The following THRB variants were observed in gnomAD, a reference collection of about 807,000 sequenced individuals.
THRB encodes the protein nuclear receptor subfamily 1 group A member 2.
In THRB, 12 loss-of-function variants were observed where a neutral mutation model predicts 47.8. That is an observed-to-expected ratio of 0.25 (90% CI 0.16 to 0.41). The LOEUF (loss-of-function observed/expected upper bound fraction) is 0.41, where lower values mean the gene tolerates loss of function less well. Ranked by LOEUF, THRB falls within the 10% of genes least tolerant of loss-of-function variation. THRB has a pLI of 1.00. For synonymous variants in THRB, 218 were observed against 212.2 expected (o/e 1.03, Z -0.24); for missense variants, 348 against 589.2 (o/e 0.59, Z 4.24).
chr3:24,487,729 T>C (rs960904529), intron 1 of THRB, among the ~76,000 whole-genome samples: 3 of 152,260 alleles, frequency 2.0e-5, no homozygotes, highest in African/African-American at 7.2e-5. Context: ...TTCCACTGTA[T>C]GTGAGAACAT....
At chr3:24,254,199 TAAAAAAAAAAAAAAAAAAAAA>T (rs57275069) in intron 3 of THRB, among the ~76,000 whole-genome samples, 23 of 34,616 alleles carry the variant, frequency 6.6e-4, no homozygotes, top group African/African-American at 2.1e-3. Flanking sequence ...CTGTCTCTAC[TAAAAAAAAAAAAAAAAAAAAA>T]AAAAAAAAAA....
intron 1 of THRB, among the ~76,000 whole-genome samples, chr3:24,486,979 C>G (rs1414267809): frequency 3.3e-5 from 5 of 152,212 alleles, no homozygotes; most frequent in African/African-American, 1.2e-4. Flanking sequence ...CAGAAATAAA[C>G]CATTCTCCAG....
chr3:24,212,577 C>CAAAAAAAAAAAA (rs1199010853), intron 4 of THRB, among the ~76,000 whole-genome samples: 8 of 84,062 alleles, frequency 9.5e-5, no homozygotes, highest in East Asian at 3.8e-4. Flanking sequence ...GACTCCGTCT[C>CAAAAAAAAAAAA]AAAAAAAAAA....
At chr3:24,281,890 C>A (rs995909785) in intron 3 of THRB, among the ~76,000 whole-genome samples, 1 of 151,306 alleles carries the variant, frequency 6.6e-6, no homozygotes, top group African/African-American at 2.4e-5. Flanking sequence ...GCTACCTATC[C>A]TAAATATATA....
chr3:24,295,413 T>C (rs965696901), intron 3 of THRB, among the ~76,000 whole-genome samples: 4 of 152,224 alleles, frequency 2.6e-5, no homozygotes, highest in Admixed American at 6.5e-5. Context: ...TCTGAGGTTA[T>C]TGATTAGTAT....
At chr3:24,447,878 T>C (rs1193104475) in intron 1 of THRB, among the ~76,000 whole-genome samples, 1 of 151,928 alleles carries the variant, frequency 6.6e-6, no homozygotes, top group Admixed American at 6.5e-5. Context: ...AAGAGAAAAG[T>C]AGTTGCCTCT....
At chr3:24,162,171 A>ATT (rs113431584) in intron 5 of THRB, among the ~76,000 whole-genome samples, 16 of 143,866 alleles carry the variant, frequency 1.1e-4, no homozygotes, top group African/African-American at 4.1e-4. Flanking sequence ...CCACAAAAGG[A>ATT]TTTTTTTTTT....
chr3:24,279,817 CCTTA>C (rs1411549697), intron 3 of THRB, among the ~76,000 whole-genome samples: 5 of 152,090 alleles, frequency 3.3e-5, no homozygotes, highest in Non-Finnish European at 7.4e-5. Flanking sequence ...TATTACTCTC[CCTTA>C]CTTATCTCCT....
intron 8 of THRB, among the ~76,000 whole-genome samples, chr3:24,141,499 C>G (rs1481577146): frequency 3.3e-5 from 5 of 152,224 alleles, no homozygotes; most frequent in South Asian, 2.1e-4. Context: ...CTTCATTGCA[C>G]TTACCACTAC....
chr3:24,154,875 A>G (rs2037572804), intron 5 of THRB, among the ~76,000 whole-genome samples: 1 of 152,200 alleles, frequency 6.6e-6, no homozygotes, highest in Non-Finnish European at 1.5e-5. Flanking sequence ...ATAAGGGAAA[A>G]AGAGGTACAA....
chr3:24,413,992 G>A (rs192213710), intron 1 of THRB, among the ~76,000 whole-genome samples: 12 of 151,852 alleles, frequency 7.9e-5, no homozygotes, highest in Admixed American at 3.9e-4. Context: ...TTAATTGAGC[G>A]TGACTCCATA....
At chr3:24,143,047 T>A (rs1223675850) in intron 8 of THRB, among the ~76,000 whole-genome samples, 1 of 152,174 alleles carries the variant, frequency 6.6e-6, no homozygotes, top group Non-Finnish European at 1.5e-5. Context: ...AGCTAAAAAA[T>A]TTTGACTTCT....
chr3:24,424,236 GGGCGGACATCA>G (rs1284566665), intron 1 of THRB, among the ~76,000 whole-genome samples: 7 of 151,730 alleles, frequency 4.6e-5, no homozygotes, highest in African/African-American at 1.7e-4. Flanking sequence ...AATTGTTCTG[GGGCGGACATCA>G]GGCAACAGGA....
chr3:24,323,630 C>T (rs188906020), intron 2 of THRB, among the ~76,000 whole-genome samples: 1 of 152,294 alleles, frequency 6.6e-6, no homozygotes, highest in East Asian at 1.9e-4. Context: ...TTTCCATGTT[C>T]ATTGTTCTAT....
chr3:24,212,227 T>A (rs1462206688), intron 4 of THRB, among the ~76,000 whole-genome samples: 5 of 151,922 alleles, frequency 3.3e-5, no homozygotes, highest in African/African-American at 1.2e-4. Context: ...TGAAACCCCA[T>A]CTCTACTAAA....
chr3:24,259,619 C>CTTTT (rs1559757815), intron 3 of THRB, among the ~76,000 whole-genome samples: 6 of 52,484 alleles, frequency 1.1e-4, no homozygotes, highest in African/African-American at 3.4e-4. Flanking sequence ...GCTCTGCTTA[C>CTTTT]CTTTTTTTTT....
intron 4 of THRB, among the ~76,000 whole-genome samples, chr3:24,227,283 G>A (rs1033389195): frequency 2.2e-4 from 33 of 152,294 alleles, no homozygotes; most frequent in Middle Eastern, 3.4e-3. Context: ...TCACACCTGC[G>A]TGTGCCTGCA....
At chr3:24,448,855 C>G (rs1286813605) in intron 1 of THRB, among the ~76,000 whole-genome samples, 1 of 152,162 alleles carries the variant, frequency 6.6e-6, no homozygotes, top group African/African-American at 2.4e-5. Context: ...CACAAGCCAG[C>G]AGATGACAGG....
At chr3:24,222,802 G>A (rs1251921953) in intron 4 of THRB, among the ~76,000 whole-genome samples, 1 of 152,182 alleles carries the variant, frequency 6.6e-6, no homozygotes, top group Non-Finnish European at 1.5e-5. Context: ...TTAGCCAACA[G>A]TAGAGCTAGC....
Sources: allele counts gnomAD v4.1 joint callset (sites outside exome capture counted in the v4.1 genomes callset), GRCh38; gene constraint gnomAD v4.1.1; transcripts MANE v1.5; gene names NCBI Gene and HGNC (gene_info 2026-07-23, HGNC 2026-07-21).